Variants in CCDC7 observed in about 807,000 individuals in gnomAD.
The protein encoded by CCDC7 is coiled-coil domain-containing protein 7.
A neutral mutation model predicts 196.9 loss-of-function variants in CCDC7; 183 were observed. The observed-to-expected ratio is 0.93, with a 90% CI of 0.82 to 1.05. CCDC7 has a LOEUF of 1.05. CCDC7 is among the 50% of genes least tolerant of loss of function. CCDC7 has a pLI of 0.00. For missense variants in CCDC7, 1,540 were observed against 1,482.2 expected, an observed-to-expected ratio of 1.04 and a Z score of -0.64; for synonymous variants, 525 against 484.6, an observed-to-expected ratio of 1.08 and a Z score of -1.10.
upstream of CCDC7, among the ~76,000 whole-genome samples, chr10:32,449,340 C>T (rs1163001333): frequency 6.6e-6 from 1 of 152,122 alleles, no homozygotes; most frequent in Non-Finnish European, 1.5e-5. Context: ...GTGCCCACCA[C>T]CACGCCTGGA....
chr10:32,791,518 C>G (rs1380377568), intron 29 of CCDC7, among the ~76,000 whole-genome samples: 1 of 150,772 alleles, frequency 6.6e-6, no homozygotes, highest in African/African-American at 2.4e-5. Context: ...GTCAATAAAG[C>G]CAAAGATATT....
chr10:32,698,361 T>A (rs2078073546), intron 24 of CCDC7, among the ~76,000 whole-genome samples: 1 of 152,140 alleles, frequency 6.6e-6, no homozygotes, highest in Non-Finnish European at 1.5e-5. Context: ...TTTGACGAGT[T>A]GAGAGAAGTA....
At chr10:32,543,364 G>A in exon 12 of CCDC7, 1 of 1,418,078 alleles carries the variant, frequency 7.1e-7, no homozygotes, top group Middle Eastern at 1.8e-4. Flanking sequence ...AAAGACAAAG[G>A]AAAATCTGAG....
chr10:32,666,516 T>A (rs1425937788), intron 21 of CCDC7, among the ~76,000 whole-genome samples: 1 of 150,936 alleles, frequency 6.6e-6, no homozygotes, highest in Non-Finnish European at 1.5e-5. Flanking sequence ...TCTAATGCTA[T>A]CGGTCCCCCC....
chr10:32,613,880 G>A (rs1217632872), intron 18 of CCDC7, among the ~76,000 whole-genome samples: 1 of 152,142 alleles, frequency 6.6e-6, no homozygotes, highest in Non-Finnish European at 1.5e-5. Flanking sequence ...GTTGATTTTG[G>A]GTGAAGAGTT....
At chr10:32,822,858 T>G (rs754940605) in intron 31 of CCDC7, among the ~76,000 whole-genome samples, 8 of 152,136 alleles carry the variant, frequency 5.3e-5, no homozygotes, top group Non-Finnish European at 1.2e-4. Context: ...GATAATAATG[T>G]AAGGGAGGAA....
At chr10:32,514,601 T>G (rs2046741158) in intron 9 of CCDC7, 1 of 152,064 alleles carries the variant, frequency 6.6e-6, no homozygotes, top group Non-Finnish European at 1.5e-5. Flanking sequence ...ATATGTGGTC[T>G]TTTATTACTA....
chr10:32,862,721 A>C (rs1002455204), intron 41 of CCDC7, among the ~76,000 whole-genome samples: 3 of 152,144 alleles, frequency 2.0e-5, no homozygotes, highest in Non-Finnish European at 4.4e-5. Flanking sequence ...TTTGGATTGC[A>C]ACCAAATCAG....
chr10:32,550,959 T>C (rs556639571), intron 13 of CCDC7, among the ~76,000 whole-genome samples: 5 of 152,272 alleles, frequency 3.3e-5, no homozygotes, highest in African/African-American at 1.2e-4. Flanking sequence ...TAAGGAATAG[T>C]GTCAAAAGGA....
chr10:32,587,600 G>A (rs2059410859), intron 18 of CCDC7, among the ~76,000 whole-genome samples: 2 of 152,176 alleles, frequency 1.3e-5, no homozygotes, highest in Admixed American at 1.3e-4. Flanking sequence ...TTAAATCAAA[G>A]CACACACTGA....
At chr10:32,549,986 T>C (rs2053193671) in intron 13 of CCDC7, among the ~76,000 whole-genome samples, 1 of 152,034 alleles carries the variant, frequency 6.6e-6, no homozygotes, top group African/African-American at 2.4e-5. Flanking sequence ...TGCATTGAAT[T>C]TGTAGATTGC....
At chr10:32,670,665 G>C (rs2073883346) in intron 21 of CCDC7, among the ~76,000 whole-genome samples, 1 of 151,354 alleles carries the variant, frequency 6.6e-6, no homozygotes, top group Non-Finnish European at 1.5e-5. Flanking sequence ...TCTTGCGATA[G>C]TTTACTGAGA....
At chr10:32,612,574 T>G (rs1054889506) in intron 18 of CCDC7, among the ~76,000 whole-genome samples, 1 of 152,208 alleles carries the variant, frequency 6.6e-6, no homozygotes, top group East Asian at 1.9e-4. Context: ...ATAGCTCTTA[T>G]TATTTTAAGA....
intron 16 of CCDC7, among the ~76,000 whole-genome samples, chr10:32,576,518 A>C (rs1213926858): frequency 6.7e-6 from 1 of 150,370 alleles, no homozygotes; most frequent in African/African-American, 2.4e-5. Flanking sequence ...AAGTAGAATA[A>C]GCCTGATGGA....
chr10:32,466,975 G>A (rs965608223), intron 5 of CCDC7, among the ~76,000 whole-genome samples: 1 of 152,096 alleles, frequency 6.6e-6, no homozygotes, highest in East Asian at 1.9e-4. Context: ...ATTCTGACTG[G>A]TATGAGGTGG....
intron 13 of CCDC7, among the ~76,000 whole-genome samples, chr10:32,562,709 A>C (rs2055959481): frequency 6.6e-6 from 1 of 150,384 alleles, no homozygotes; most frequent in Non-Finnish European, 1.5e-5. Context: ...AATGGGCAAA[A>C]ACTGGAAGCA....
rs77408815 is a variant in CCDC7 at position 32,853,501 on chromosome 10, T to C, written c.4022-899T>C. Among the ~76,000 whole-genome samples, 986 of 152,304 alleles carry C rather than the reference T, an allele frequency of 6.5e-3. 8 individuals are homozygous for C. The highest frequency in any genetic ancestry group is 0.023 in the African/African-American group (940 of 41,582). On this transcript the variant is annotated intron_variant, in intron 40 of 41. Transcript: ENST00000639629. ...TGTGCAAAAAATATACTGAGGAAAG[T>C]CAACATATTAATGTAAAATTTTACT...
At chr10:32,795,555 A>G (rs1009717050) in intron 29 of CCDC7, among the ~76,000 whole-genome samples, 1 of 152,184 alleles carries the variant, frequency 6.6e-6, no homozygotes, top group African/African-American at 2.4e-5. Flanking sequence ...TCTCATTAGC[A>G]TCAGTCATTG....
At chr10:32,650,657 T>C (rs139804562) in intron 20 of CCDC7, among the ~76,000 whole-genome samples, 143 of 152,164 alleles carry the variant, frequency 9.4e-4, no homozygotes, top group South Asian at 1.2e-3. Flanking sequence ...CTCAGTTTTC[T>C]GAGAGTGTGG....
Sources: gnomAD v4.1 joint callset for allele counts (sites outside exome capture counted in the v4.1 genomes callset) on GRCh38, gnomAD v4.1.1 for gene constraint, MANE v1.5 for transcripts, NCBI Gene and HGNC (gene_info 2026-07-23, HGNC 2026-07-21) for gene names.